Variants in HEXA observed in about 807,000 individuals in gnomAD.
HEXA encodes hexosaminidase subunit alpha, also known as beta-hexosaminidase subunit alpha.
In HEXA, 54 loss-of-function variants were observed where a neutral mutation model predicts 73.3. The ratio of observed to expected loss-of-function variants is 0.74; its 90% CI spans 0.59 to 0.92. HEXA has a LOEUF of 0.92. Ranked by LOEUF, HEXA falls within the 40% of genes least tolerant of loss-of-function variation. HEXA has a pLI of 0.00. For synonymous variants in HEXA, 230 were observed against 246.9 expected (o/e 0.93, Z 0.64); for missense variants, 649 against 653.0 (o/e 0.99, Z 0.07).
In HEXA at chr15:72,341,673, G is replaced by C. The variant is rs1039093151; in HGVS notation, c.*2404C>G. On this transcript the variant is annotated 3_prime_UTR_variant, in exon 14 of 14. Transcript: ENST00000268097. ...TCAATTTACAGCCTAGGTGAAGGGA[G>C]ATGAGTTGGGGCAACAGCGATTCTG... The C allele has an allele frequency of 5.3e-5, 8 of 152,248 alleles. No homozygotes were observed. The highest frequency in any genetic ancestry group is 1.9e-4 in the African/African-American group (8 of 41,448). The allele number at this position is 152,248 out of a possible 1,614,324, so 9.4% of individuals were successfully genotyped here.
chr15:72,357,271 G>A (rs557142849), intron 1 of HEXA: 24 of 163,914 alleles, frequency 1.5e-4, no homozygotes, highest in Admixed American at 1.2e-3. Flanking sequence ...AGAAGGATCA[G>A]GCAGAGGAGG....
At chr15:72,358,752 A>G (rs2088816579) in intron 1 of HEXA, 1 of 152,242 alleles carries the variant, frequency 6.6e-6, no homozygotes, top group African/African-American at 2.4e-5. Context: ...TAAACAAATT[A>G]TGAGAGGGAT....
At chr15:72,362,935 T>A (rs1174346933) in intron 1 of HEXA, among the ~76,000 whole-genome samples, 2 of 152,140 alleles carry the variant, frequency 1.3e-5, no homozygotes, top group African/African-American at 4.8e-5. Context: ...GGTAGCTGAT[T>A]TTGCTTCTGG....
chr15:72,374,628 G>T (rs2089035205), intron 1 of HEXA, among the ~76,000 whole-genome samples: 1 of 152,144 alleles, frequency 6.6e-6, no homozygotes, highest in Non-Finnish European at 1.5e-5. Flanking sequence ...CTAGATTCCA[G>T]ATTATCAAGA....
intron 2 of HEXA, 146 bp downstream of exon 2, chr15:72,356,379 C>T: frequency 1.2e-6 from 1 of 814,140 alleles, no homozygotes. Context: ...ACTCATCTTC[C>T]ATGGCTCTCA....
intron 6 of HEXA, 91 bp downstream of exon 6, chr15:72,351,042 T>G (rs1595800334): frequency 1.2e-6 from 1 of 855,416 alleles, no homozygotes. Flanking sequence ...AACTGGCTGG[T>G]TAGGATGAGA....
Position 72,353,061 on chromosome 15 carries a change from T to G in HEXA, c.570+7A>C. 3 of 1,568,088 alleles carry G rather than the reference T, an allele frequency of 1.9e-6. No homozygotes were observed. The highest frequency in any genetic ancestry group is 2.6e-6 in the Non-Finnish European group (3 of 1,137,974). ...TAAGTGTGAAGAAGGCCTTAAGGCCTGGTTACCAGAGTGTCCAGGATGCTA... is the reference window on the plus strand; with the variant it reads ...TAAGTGTGAAGAAGGCCTTAAGGCCGGGTTACCAGAGTGTCCAGGATGCTA... On this transcript the variant is annotated splice_region_variant and intron_variant, in intron 5 of 13. Coordinates refer to ENST00000268097, the MANE Select transcript of HEXA (RefSeq NM_000520.6).
At chr15:72,347,912 T>G (rs2088639182) in intron 9 of HEXA, 136 bp downstream of exon 9, 3 of 970,382 alleles carry the variant, frequency 3.1e-6, no homozygotes, top group Non-Finnish European at 4.9e-6. Flanking sequence ...ACTCCAAATC[T>G]GAAAGGATGG....
At chr15:72,354,343 A>G (rs960859234) in intron 3 of HEXA, 4 of 155,620 alleles carry the variant, frequency 2.6e-5, no homozygotes, top group Non-Finnish European at 4.3e-5. Context: ...CCCCTAGTCC[A>G]CTGACACTGT....
At chr15:72,355,292 G>A (rs964759563) in intron 3 of HEXA, 10 of 469,402 alleles carry the variant, frequency 2.1e-5, no homozygotes, top group South Asian at 8.2e-5. Flanking sequence ...TTGGGAGGCC[G>A]AGATGGGTGG....
intron 1 of HEXA, 115 bp downstream of exon 1, chr15:72,375,605 C>T (rs1222248302): frequency 1.8e-6 from 2 of 1,130,218 alleles, no homozygotes; most frequent in Admixed American, 2.1e-5. Context: ...AAGTGGAGTG[C>T]CTGTGATCAG....
rs180698934 is a variant in HEXA at position 72,356,435 on chromosome 15, C to T, written c.346+90G>A. On this transcript the variant is annotated intron_variant, in intron 2 of 13. Transcript: ENST00000268097. ...CCCAGGGTCAAGGGGGACTCCAGGC[C>T]GAGCATCAGCAGTTTAGGCCAGGCC... 45 of 1,415,498 alleles carry T rather than the reference C, an allele frequency of 3.2e-5. No homozygotes were observed. The African/African-American group carries it at 3.4e-4, about 11-fold the overall frequency. 87.7% of individuals were successfully genotyped at this position (1,415,498 alleles called of 1,614,324 possible).
At chr15:72,353,607 A>AT (rs1472244846) in intron 4 of HEXA, 84 bp downstream of exon 4, 2 of 1,114,156 alleles carry the variant, frequency 1.8e-6, no homozygotes, top group African/African-American at 3.1e-5. Context: ...ATCCTAAGGC[A>AT]AAACAAGATT....
chr15:72,356,522 T>TA lies in HEXA; in HGVS notation c.346+2dup, dbSNP rs1430416918. On this transcript the variant is annotated splice_region_variant and intron_variant, in intron 2 of 13. Transcript: ENST00000268097. ...CTAAGACAGGGAACAGGATGGTACT[T>TA]ACAATTCTCCACTGACTCCAAAGTA... 21 of 1,613,882 alleles carry TA rather than the reference T, an allele frequency of 1.3e-5. No individual in the cohort carries two copies. The highest frequency in any genetic ancestry group is 1.7e-5 in the Non-Finnish European group (20 of 1,179,978).
At chr15:72,356,753 T>A in intron 1 of HEXA, 136 bp from the exon 2 acceptor site, 1 of 1,301,724 alleles carries the variant, frequency 7.7e-7, no homozygotes. Flanking sequence ...ACCCTTGGCA[T>A]AGGCAGTGCC....
intron 1 of HEXA, chr15:72,369,884 T>G (rs1010896449): frequency 2.0e-5 from 3 of 152,114 alleles, no homozygotes; most frequent in Admixed American, 6.5e-5. Flanking sequence ...AACCTTCCAA[T>G]GCTATGCTTC....
At position 72,345,676 on chromosome 15, in the gene HEXA, C is replaced by A; in HGVS notation, c.1422-126G>T. 3.3e-6 allele frequency: 5 copies of A among 1,506,406 alleles called. No individual in the cohort carries two copies. The South Asian group carries it at 6.0e-5, about 18-fold the overall frequency. 93.3% of individuals were successfully genotyped at this position (1,506,406 alleles called of 1,614,324 possible). A position where few individuals can be genotyped will look rare whatever the true frequency, so the allele number is the denominator to read the frequency against. The stretch of plus-strand genomic sequence containing the variant: ...CTCAGGCCAAAGGAAGTGATCAATA[C>A]CTTGTTATGAGCCACAGCCAGGTTG... On this transcript the variant is annotated intron_variant, in intron 12 of 13. Coordinates refer to ENST00000268097, the MANE Select transcript of HEXA (RefSeq NM_000520.6).
At chr15:72,352,204 C>T (rs186351328) in intron 5 of HEXA, among the ~76,000 whole-genome samples, 136 of 152,250 alleles carry the variant, frequency 8.9e-4, no homozygotes, top group Non-Finnish European at 1.5e-3. Flanking sequence ...GCAATCCACC[C>T]GCCTTGGCCT....
chr15:72,353,760 A>G (rs1361297027), intron 3 of HEXA, 23 bp from the exon 4 acceptor site: 1 of 1,579,230 alleles, frequency 6.3e-7, no homozygotes, highest in Admixed American at 1.7e-5. Flanking sequence ...AGAGAGGCAG[A>G]GTAAAGACTC....
Sources: allele counts gnomAD v4.1 joint callset (sites outside exome capture counted in the v4.1 genomes callset), GRCh38; gene constraint gnomAD v4.1.1; transcripts MANE v1.5; gene names NCBI Gene and HGNC (gene_info 2026-07-23, HGNC 2026-07-21).